FAT3: variants seen among roughly 807,000 people sequenced by gnomAD.
The protein encoded by FAT3 is FAT atypical cadherin 3, also known as protocadherin Fat 3.
FAT3 carries 95 observed loss-of-function variants against 310.2 expected under a neutral mutation model. That is an observed-to-expected ratio of 0.31 (90% CI 0.26 to 0.36). The LOEUF (loss-of-function observed/expected upper bound fraction) is 0.36, where lower values mean the gene tolerates loss of function less well. Ranked by LOEUF, FAT3 falls within the 10% of genes least tolerant of loss-of-function variation. FAT3 has a pLI of 1.00. For missense variants in FAT3, 5,408 were observed against 5,715.6 expected, an observed-to-expected ratio of 0.95 and a Z score of 1.74; for synonymous variants, 2,314 against 2,192.9, an observed-to-expected ratio of 1.06 and a Z score of -1.54.
At chr11:92,609,342 G>A (rs1160283453) in intron 3 of FAT3, among the ~76,000 whole-genome samples, 2 of 152,134 alleles carry the variant, frequency 1.3e-5, no homozygotes, top group Admixed American at 6.5e-5. Flanking sequence ...TAGTATGAAT[G>A]TGGGTTAAAA....
At chr11:92,637,945 C>T (rs572054541) in intron 3 of FAT3, among the ~76,000 whole-genome samples, 4 of 152,162 alleles carry the variant, frequency 2.6e-5, no homozygotes, top group Non-Finnish European at 4.4e-5. Flanking sequence ...TTGGATATTG[C>T]GTTTTTTACC....
intron 9 of FAT3, among the ~76,000 whole-genome samples, chr11:92,793,317 C>T (rs1026204680): frequency 6.6e-6 from 1 of 152,218 alleles, no homozygotes; most frequent in South Asian, 2.1e-4. Context: ...AAAAGCCGCC[C>T]GCCGATCATC....
At chr11:92,604,170 A>T (rs971899502) in intron 3 of FAT3, among the ~76,000 whole-genome samples, 6 of 152,128 alleles carry the variant, frequency 3.9e-5, no homozygotes, top group South Asian at 2.1e-4. Context: ...AACAGGAGGG[A>T]ACTTCTTGAA....
intron 2 of FAT3, among the ~76,000 whole-genome samples, chr11:92,380,984 CA>C (rs572510440): frequency 1.8e-4 from 27 of 152,318 alleles, no homozygotes; most frequent in Admixed American, 6.5e-4. Flanking sequence ...ACATTTTCAT[CA>C]CCCTACCATC....
chr11:92,352,644 G>A lies in FAT3; in HGVS notation c.532G>A (p.Ala178Thr). ...AESTPLRTSVAQVTATDADIG... is the reference protein window; with the variant it reads ...AESTPLRTSVTQVTATDADIG... The stretch of plus-strand genomic sequence containing the variant: ...AAGCACACCTCTAAGGACTAGTGTT[G>A]CCCAGGTGACTGCAACAGACGCAGA... Residue 178 changes from alanine to threonine, a missense_variant, in exon 2 of 28, where the codon GCC becomes ACC. By Grantham distance (58) the Ala-to-Thr change is moderately conservative. Transcript: ENST00000525166. 6.2e-7 allele frequency: 1 copy of A among 1,613,828 alleles called. No individual in the cohort carries two copies. The highest frequency in any genetic ancestry group is 8.5e-7 in the Non-Finnish European group (1 of 1,179,862).
chr11:92,552,451 CA>C (rs1954852612), intron 3 of FAT3, among the ~76,000 whole-genome samples: 1 of 151,896 alleles, frequency 6.6e-6, no homozygotes, highest in Admixed American at 6.6e-5. Flanking sequence ...GAGAAAGAAA[CA>C]AAAAATATTC....
At chr11:92,479,865 C>G (rs1952170345) in intron 2 of FAT3, among the ~76,000 whole-genome samples, 1 of 152,190 alleles carries the variant, frequency 6.6e-6, no homozygotes, top group Non-Finnish European at 1.5e-5. Context: ...GACTAATAAA[C>G]TGCTGTCCAT....
chr11:92,766,372 T>A (rs952712329), intron 6 of FAT3, among the ~76,000 whole-genome samples: 1 of 152,130 alleles, frequency 6.6e-6, no homozygotes, highest in African/African-American at 2.4e-5. Flanking sequence ...TCTGGGGGAA[T>A]CATTTCCTTC....
chr11:92,697,770 C>G (rs1032654931), intron 4 of FAT3, among the ~76,000 whole-genome samples: 4 of 152,140 alleles, frequency 2.6e-5, no homozygotes, highest in Non-Finnish European at 5.9e-5. Flanking sequence ...ACGGGGGCCA[C>G]AGACGTAAAA....
At chr11:92,403,074 T>G (rs1194694609) in intron 2 of FAT3, 2 of 152,262 alleles carry the variant, frequency 1.3e-5, no homozygotes, top group Non-Finnish European at 2.9e-5. Flanking sequence ...CAAGTTTACT[T>G]GCAAACTTGG....
chr11:92,680,200 AG>A (rs1591600325), intron 3 of FAT3, among the ~76,000 whole-genome samples: 1 of 150,766 alleles, frequency 6.6e-6, no homozygotes, highest in Non-Finnish European at 1.5e-5. Context: ...TACCCAGAAG[AG>A]TTTTCTTTAG....
At chr11:92,690,208 C>T (rs1267748104) in intron 3 of FAT3, among the ~76,000 whole-genome samples, 1 of 152,160 alleles carries the variant, frequency 6.6e-6, no homozygotes, top group Non-Finnish European at 1.5e-5. Context: ...CATTGGCTTG[C>T]AAAGAAAGAA....
chr11:92,509,766 A>G (rs1347479685), intron 2 of FAT3, among the ~76,000 whole-genome samples: 2 of 152,210 alleles, frequency 1.3e-5, no homozygotes, highest in African/African-American at 4.8e-5. Flanking sequence ...ACCTAAATAA[A>G]ACTACAGATA....
chr11:92,432,160 C>G (rs1188778197), intron 2 of FAT3, among the ~76,000 whole-genome samples: 3 of 152,066 alleles, frequency 2.0e-5, no homozygotes, highest in Non-Finnish European at 4.4e-5. Flanking sequence ...TGTTTGTATC[C>G]TCTTTTATTT....
intron 19 of FAT3, among the ~76,000 whole-genome samples, chr11:92,851,708 G>C (rs1057320279): frequency 6.6e-6 from 1 of 152,140 alleles, no homozygotes; most frequent in Admixed American, 6.5e-5. Context: ...GTACCAAATT[G>C]ATGGATGTCG....
chr11:92,386,167 A>G (rs975821150), intron 2 of FAT3, among the ~76,000 whole-genome samples: 4 of 152,154 alleles, frequency 2.6e-5, no homozygotes, highest in African/African-American at 9.7e-5. Flanking sequence ...AAATAAACTC[A>G]TCCTTTCTAC....
chr11:92,757,065 C>T (rs1419352434), intron 4 of FAT3, among the ~76,000 whole-genome samples: 1 of 151,908 alleles, frequency 6.6e-6, no homozygotes, highest in African/African-American at 2.4e-5. Flanking sequence ...GCTGGAATTA[C>T]AAGCATGTGC....
chr11:92,773,956 TAA>T (rs1946525910), intron 6 of FAT3, 83 bp from the exon 7 acceptor site: 1 of 1,501,752 alleles, frequency 6.7e-7, no homozygotes, highest in African/African-American at 1.4e-5. Context: ...AATTTCTGTA[TAA>T]GAGCTCCCTT....
At chr11:92,406,098 TAC>T (rs2134891255) in intron 2 of FAT3, among the ~76,000 whole-genome samples, 1 of 152,360 alleles carries the variant, frequency 6.6e-6, no homozygotes, top group South Asian at 2.1e-4. Flanking sequence ...GCTTGATTGA[TAC>T]AGTGTTCCTT....
Sources: allele counts gnomAD v4.1 joint callset (sites outside exome capture counted in the v4.1 genomes callset), GRCh38; gene constraint gnomAD v4.1.1; transcripts MANE v1.5; gene names NCBI Gene and HGNC (gene_info 2026-07-23, HGNC 2026-07-21).